Variants in TPST2 observed in about 807,000 individuals in gnomAD.
TPST2 encodes the protein protein-tyrosine sulfotransferase 2.
TPST2 carries 16 observed loss-of-function variants against 27.8 expected under a neutral mutation model. That is an observed-to-expected ratio of 0.58 (90% CI 0.39 to 0.88). The LOEUF (loss-of-function observed/expected upper bound fraction) is 0.88, where lower values mean the gene tolerates loss of function less well. TPST2 is among the 40% of genes least tolerant of loss of function. TPST2 has a pLI of 0.00. For missense variants in TPST2, 464 were observed against 543.1 expected (o/e 0.85, Z 1.45); for synonymous variants, 229 against 231.7 (o/e 0.99, Z 0.10).
Position 26,541,618 on chromosome 22 carries a change from C to T in TPST2, c.13G>A (p.Val5Met). 1 of 1,579,612 alleles carries T rather than the reference C, an allele frequency of 6.3e-7. No individual in the cohort carries two copies. The highest frequency in any genetic ancestry group is 1.1e-5 in the South Asian group (1 of 88,260). The change falls in exon 3 of 7, where the codon GTG becomes ATG. Residue 5 changes from valine (V) to methionine (M), a missense_variant. Val to Met is a conservative substitution (Grantham distance 21, BLOSUM62 1). Coordinates refer to ENST00000338754, the MANE Select transcript of TPST2 (RefSeq NM_003595.5). The surrounding 1 kb of genome is among the most constrained non-coding windows in gnomAD (Gnocchi z 5.9). MRLS[V>M]RRVLLAAGCA... ...CCGGCTGCCAGCAGCACCCTCCGCA[C>T]CGACAGGCGCATGCTGGGCCGGAGG...
intron 1 of TPST2, among the ~76,000 whole-genome samples, chr22:26,552,798 G>A (rs528213551): frequency 6.6e-5 from 10 of 152,224 alleles, no homozygotes; most frequent in Non-Finnish European, 1.3e-4. Flanking sequence ...AGTGGTTCAC[G>A]CCTATAATCC....
At chr22:26,571,499 T>C (rs908544739) in intron 1 of TPST2, among the ~76,000 whole-genome samples, 2 of 152,148 alleles carry the variant, frequency 1.3e-5, no homozygotes, top group African/African-American at 4.8e-5. Flanking sequence ...CTGCATTCAT[T>C]GTCTGGGAGC....
At position 26,536,455 on chromosome 22, in the gene TPST2, G is replaced by C. The variant is rs1231496729; in HGVS notation, c.874C>G (p.Pro292Ala). 4 of 1,550,332 alleles carry C rather than the reference G, an allele frequency of 2.6e-6. No individual in the cohort carries two copies. The highest frequency in any genetic ancestry group is 3.5e-6 in the Non-Finnish European group (4 of 1,147,464). ...IERSTDQVIK[P>A]VNLEALSKWT... Reference sequence around the variant, plus strand: ...TTGGAGAGCGCTTCCAGGTTAACAGGCTTGATGACCTGGTCCGTGGACCGC... The same window carrying C: ...TTGGAGAGCGCTTCCAGGTTAACAGCCTTGATGACCTGGTCCGTGGACCGC... The change falls in exon 4 of 7, where the codon CCT (proline) becomes GCT (alanine). Residue 292 changes from proline to alanine, a missense_variant. Physicochemically the swap from Pro to Ala is conservative, Grantham distance 27. Coordinates refer to ENST00000338754, the MANE Select transcript of TPST2 (RefSeq NM_003595.5).
rs1163793644 is a variant in TPST2, at chr22:26,551,883, C to CTTTTTTTTTTTT, written c.-160-7220_-160-7209dup. On this transcript the variant is annotated intron_variant, in intron 1 of 6. Transcript: ENST00000338754. ...ATTCTTTTCCTTTTCTTTTCTTTTTCTTTTTTTTTTTTTTTTTTTTTTTGA... is the reference window on the plus strand; with the variant it reads ...ATTCTTTTCCTTTTCTTTTCTTTTTCTTTTTTTTTTTTTTTTTTTTTTTTTTTTTTTTTTTGA... 2.1e-4 allele frequency among the ~76,000 whole-genome samples: 14 copies of CTTTTTTTTTTTT among 66,422 alleles called. 1 individual carries two copies. Among genetic ancestry groups the CTTTTTTTTTTTT allele is most frequent in the East Asian group, 1.3e-3 (3 of 2,300 alleles). 43.6% of individuals were successfully genotyped at this position (66,422 alleles called of 152,430 possible).
intron 1 of TPST2, among the ~76,000 whole-genome samples, chr22:26,569,980 GAAAA>G (rs1927541801): frequency 5.0e-5 from 1 of 19,952 alleles, no homozygotes; most frequent in Non-Finnish European, 9.0e-5. Flanking sequence ...AAGAAAGAAA[GAAAA>G]GAAAGAAAAA....
intron 4 of TPST2, among the ~76,000 whole-genome samples, chr22:26,532,991 G>A (rs914386724): frequency 5.3e-5 from 8 of 152,136 alleles, no homozygotes; most frequent in African/African-American, 9.7e-5. Flanking sequence ...GGGGGCACCA[G>A]ATAACATACA....
chr22:26,544,548 G>A, intron 2 of TPST2, 56 bp downstream of exon 2: 1 of 955,506 alleles, frequency 1.0e-6, no homozygotes. Flanking sequence ...GACTTTTGGA[G>A]GGCGGTCTCA....
intron 1 of TPST2, among the ~76,000 whole-genome samples, chr22:26,579,121 G>T (rs1279220348): frequency 1.3e-5 from 2 of 152,202 alleles, no homozygotes; most frequent in African/African-American, 2.4e-5. Context: ...CTCCCAGAGT[G>T]CTGGGATTAT....
chr22:26,557,143 A>G (rs1371337427), intron 1 of TPST2, among the ~76,000 whole-genome samples: 3 of 152,260 alleles, frequency 2.0e-5, no homozygotes, highest in Admixed American at 1.3e-4. Context: ...GACCTTGGCT[A>G]CTAAGTTAGC....
intron 1 of TPST2, among the ~76,000 whole-genome samples, chr22:26,562,174 G>A (rs774489445): frequency 2.0e-5 from 3 of 152,246 alleles, no homozygotes; most frequent in Non-Finnish European, 4.4e-5. Context: ...TTATTTTGGA[G>A]TCATGAAGGC....
Position 26,541,817 on chromosome 22 carries a change from C to T in TPST2, c.-88-99G>A. 1 of 1,187,746 alleles carries T rather than the reference C, an allele frequency of 8.4e-7. No individual in the cohort carries two copies. The highest frequency in any genetic ancestry group is 1.1e-6 in the Non-Finnish European group (1 of 884,626). The allele number at this position is 1,187,746 out of a possible 1,614,324, so 73.6% of individuals were successfully genotyped here. ...ATAACTGCAAACAAGAGGCTGCTGA[C>T]ATGAATGCAGAGGGCACCTTTCATA... On this transcript the variant is annotated intron_variant, in intron 2 of 6. Transcript: ENST00000338754. This position sits in a 1 kb window ranked among gnomAD's most constrained non-coding sequence, Gnocchi z 5.9.
intron 1 of TPST2, among the ~76,000 whole-genome samples, chr22:26,575,182 C>T (rs1927781884): frequency 6.6e-6 from 1 of 152,152 alleles, no homozygotes; most frequent in Admixed American, 6.5e-5. Context: ...GATAACACAG[C>T]ACTTCCCTGG....
At chr22:26,584,644 A>C (rs1329832745) in intron 1 of TPST2, among the ~76,000 whole-genome samples, 1 of 152,142 alleles carries the variant, frequency 6.6e-6, no homozygotes, top group African/African-American at 2.4e-5. Flanking sequence ...CAGCCTAGGC[A>C]ACAGAGCAAG....
rs188578117 is a variant in TPST2 at position 26,555,507 on chromosome 22, A to T, written c.-160-10832T>A. On this transcript the variant is annotated intron_variant, in intron 1 of 6. Transcript: ENST00000338754. ...TTAACATTTCCAAAATAAGTCTGAA[A>T]ACGGCACCTACCTTGTGGAGCTGTT... Among the ~76,000 whole-genome samples the T allele has an allele frequency of 1.1e-3, 174 of 152,346 alleles. 3 individuals are homozygous for T. Among genetic ancestry groups the T allele is most frequent in the Admixed American group, 9.5e-3 (145 of 15,302 alleles).
At chr22:26,577,188 C>T (rs1399993776) in intron 1 of TPST2, among the ~76,000 whole-genome samples, 2 of 150,650 alleles carry the variant, frequency 1.3e-5, no homozygotes, top group South Asian at 2.1e-4. Flanking sequence ...TCACTTGAGC[C>T]CAGGAATTCA....
intron 1 of TPST2, among the ~76,000 whole-genome samples, chr22:26,563,323 CTCT>C (rs1215011031): frequency 2.2e-4 from 33 of 146,870 alleles, no homozygotes; most frequent in Admixed American, 4.2e-4. Flanking sequence ...CCTTCCCTCC[CTCT>C]TCTTCTTTTT....
Position 26,578,605 on chromosome 22 carries a change from GC to G in TPST2, c.-161+11447del, listed in dbSNP as rs1927957005. Among the ~76,000 whole-genome samples, 6 of 152,240 alleles carry G rather than the reference GC, an allele frequency of 3.9e-5. No individual in the cohort carries two copies. In the South Asian group the frequency reaches 1.2e-3, roughly 32 times the overall value. ...AGAGTCCCGCAGTAGGTAGAGGAGA[GC>G]AAACCAGGCCTCGAACCAGAATCTC... is the stretch of plus-strand genomic sequence containing the variant. On this transcript the variant is annotated intron_variant, in intron 1 of 6. Transcript: ENST00000338754.
At chr22:26,573,717 T>C (rs954924948) in intron 1 of TPST2, among the ~76,000 whole-genome samples, 4 of 152,118 alleles carry the variant, frequency 2.6e-5, no homozygotes, top group South Asian at 2.1e-4. Flanking sequence ...CCAGGAAGCA[T>C]GAGGCCTTCG....
chr22:26,541,267 G>A lies in TPST2; in HGVS notation c.364C>T (p.Arg122Trp), dbSNP rs765351148. ...AWSKSGREKL[R>W]LDEAGVTDEV... ...TCCGTCACCCCCGCCTCATCCAGCC[G>A]CAGCTTCTCACGGCCAGACTTGGAC... The change falls in exon 3 of 7, where the codon CGG becomes TGG. Residue 122 changes from arginine to tryptophan, a missense_variant. Coordinates refer to ENST00000338754, the MANE Select transcript of TPST2 (RefSeq NM_003595.5). This position sits in a 1 kb window ranked among gnomAD's most constrained non-coding sequence, Gnocchi z 5.9. 3.3e-6 allele frequency: 5 copies of A among 1,537,408 alleles called. No homozygotes were observed. Among genetic ancestry groups the A allele is most frequent in the Non-Finnish European group, 4.4e-6 (5 of 1,140,468 alleles).
Sources: gnomAD v4.1 joint callset for allele counts (sites outside exome capture counted in the v4.1 genomes callset) on GRCh38, gnomAD v4.1.1 for gene constraint, Gnocchi (gnomAD v3.1) non-coding constraint, MANE v1.5 for transcripts, NCBI Gene and HGNC (gene_info 2026-07-23, HGNC 2026-07-21) for gene names.